SUGCT: variants seen among roughly 807,000 people sequenced by gnomAD.
The protein encoded by SUGCT is succinyl-CoA:glutarate-CoA transferase, also known as succinyl-CoA:glutarate CoA-transferase.
In SUGCT, 41 loss-of-function variants were observed where a neutral mutation model predicts 55.0. That is an observed-to-expected ratio of 0.74 (90% CI 0.58 to 0.97). The LOEUF (loss-of-function observed/expected upper bound fraction) is 0.97. Among genes scored for constraint, SUGCT ranks in the 50% least tolerant of loss-of-function variants. The pLI is 0.00. For synonymous variants in SUGCT, 187 were observed against 200.4 expected (o/e 0.93, Z 0.56); for missense variants, 568 against 547.8 (o/e 1.04, Z -0.37).
intron 11 of SUGCT, among the ~76,000 whole-genome samples, chr7:40,478,347 A>G (rs1192957703): frequency 1.3e-5 from 2 of 152,136 alleles, no homozygotes; most frequent in Non-Finnish European, 2.9e-5. Flanking sequence ...GCCAGGCACA[A>G]AAATAAGGCT....
chr7:40,788,156 T>C (rs1115714), intron 13 of SUGCT, among the ~76,000 whole-genome samples: 51,692 of 151,932 alleles, frequency 0.34, 8,969 homozygotes, highest in South Asian at 0.44. Flanking sequence ...GGAGTCATTC[T>C]CCCTGCAGCA....
In SUGCT at chr7:40,374,394, A is replaced by G. The variant is rs558966434; in HGVS notation, c.816+57539A>G. Among the ~76,000 whole-genome samples, 27 of 152,314 alleles carry G rather than the reference A, an allele frequency of 1.8e-4. 1 individual carries two copies. The South Asian group carries it at 3.9e-3, about 22-fold the overall frequency. ...ATTAATTCCCTTAAGTCACAAGTAA[A>G]TAAGTGGATTTAACCTGAGCGTTCA... On this transcript the variant is annotated intron_variant, in intron 9 of 13. Coordinates refer to ENST00000335693, the MANE Select transcript of SUGCT (RefSeq NM_001193313.2).
At chr7:40,208,724 T>C (rs1302806605) in intron 6 of SUGCT, among the ~76,000 whole-genome samples, 1 of 152,106 alleles carries the variant, frequency 6.6e-6, no homozygotes, top group Non-Finnish European at 1.5e-5. Flanking sequence ...TTTTTTATTT[T>C]AGTAGAGACG....
chr7:40,903,477 A>G, the SUGCT span, among the ~76,000 whole-genome samples: 1 of 152,332 alleles, frequency 6.6e-6, no homozygotes, highest in South Asian at 2.1e-4. Context: ...CTGTTGAGCC[A>G]GAAGTCCAAT....
intron 12 of SUGCT, among the ~76,000 whole-genome samples, chr7:40,660,415 T>C (rs1026620020): frequency 1.3e-5 from 2 of 152,124 alleles, no homozygotes; most frequent in African/African-American, 2.4e-5. Flanking sequence ...CCCACCACCA[T>C]GTCTGGCTAA....
At chr7:40,214,341 A>G (rs1438117152) in intron 6 of SUGCT, among the ~76,000 whole-genome samples, 1 of 152,218 alleles carries the variant, frequency 6.6e-6, no homozygotes, top group East Asian at 1.9e-4. Context: ...AATGTTAGTC[A>G]CTGTTCATCA....
At chr7:40,367,056 A>C (rs564695765) in intron 9 of SUGCT, among the ~76,000 whole-genome samples, 20 of 152,292 alleles carry the variant, frequency 1.3e-4, no homozygotes, top group East Asian at 5.8e-4. Context: ...AAAATGTGGC[A>C]CATATACACC....
At chr7:40,666,355 A>AAGGAAGGAAGGAAGGAAGGAAGG (rs1801630722) in intron 12 of SUGCT, among the ~76,000 whole-genome samples, 27 of 121,850 alleles carry the variant, frequency 2.2e-4, no homozygotes, top group African/African-American at 1.0e-3. Context: ...CTCAAGAAAG[A>AAGGAAGGAAGGAAGGAAGGAAGG]AAGGAAGGAA....
intron 9 of SUGCT, among the ~76,000 whole-genome samples, chr7:40,371,146 C>T (rs1273751438): frequency 1.3e-5 from 2 of 152,108 alleles, no homozygotes; most frequent in Non-Finnish European, 2.9e-5. Flanking sequence ...GACCAGTTCT[C>T]ATCTGTTTCT....
At chr7:40,150,865 C>T (rs1788529174) in intron 1 of SUGCT, among the ~76,000 whole-genome samples, 1 of 152,202 alleles carries the variant, frequency 6.6e-6, no homozygotes, top group South Asian at 2.1e-4. Flanking sequence ...TGGGCAGTTA[C>T]ATTCCTAGGC....
At chr7:40,875,120 C>A in the SUGCT span, among the ~76,000 whole-genome samples, 4 of 152,330 alleles carry the variant, frequency 2.6e-5, no homozygotes, top group South Asian at 8.3e-4. Context: ...CACATGTTTT[C>A]TTCTGAGATA....
intron 12 of SUGCT, among the ~76,000 whole-genome samples, chr7:40,497,196 T>C (rs1427391196): frequency 6.6e-6 from 1 of 152,168 alleles, no homozygotes; most frequent in African/African-American, 2.4e-5. Context: ...TTCAAAACCA[T>C]GGGGTATATT....
chr7:40,593,219 C>T (rs1797822122), intron 12 of SUGCT, among the ~76,000 whole-genome samples: 1 of 152,148 alleles, frequency 6.6e-6, no homozygotes, highest in Admixed American at 6.5e-5. Context: ...CTGTCCTTGG[C>T]CTAGAGCCCG....
At chr7:40,836,973 C>T (rs754636200) in intron 13 of SUGCT, among the ~76,000 whole-genome samples, 2 of 152,032 alleles carry the variant, frequency 1.3e-5, no homozygotes, top group South Asian at 2.1e-4. Context: ...GTTGCTATAT[C>T]GTATAGTCAA....
At chr7:40,942,966 A>T in the SUGCT span, among the ~76,000 whole-genome samples, 2 of 151,380 alleles carry the variant, frequency 1.3e-5, no homozygotes, top group Admixed American at 6.6e-5. Context: ...CATATCCTGA[A>T]TTTTTTTTAC....
rs191554128 is a variant in SUGCT at position 40,604,264 on chromosome 7, G to A, written c.1089+107878G>A. On this transcript the variant is annotated intron_variant, in intron 12 of 13. Coordinates refer to ENST00000335693, the MANE Select transcript of SUGCT (RefSeq NM_001193313.2). ...AACAGAGCAGACAAGCAATCTCCCT[G>A]CAAGGCCTATGATGGTCCCTTGCTT... is the stretch of plus-strand genomic sequence containing the variant. Among the ~76,000 whole-genome samples, 197 of 152,320 alleles carry A rather than the reference G, an allele frequency of 1.3e-3. 1 individual carries two copies. Among genetic ancestry groups the A allele is most frequent in the African/African-American group, 4.5e-3 (189 of 41,570 alleles).
At chr7:40,139,176 A>T (rs141702118) in intron 1 of SUGCT, among the ~76,000 whole-genome samples, 1 of 132,982 alleles carries the variant, frequency 7.5e-6, no homozygotes, top group South Asian at 2.5e-4. Context: ...ATAAATAAAT[A>T]AATCCAGGAT....
intron 9 of SUGCT, among the ~76,000 whole-genome samples, chr7:40,444,217 G>T (rs1030516403): frequency 3.9e-5 from 6 of 152,086 alleles, no homozygotes; most frequent in African/African-American, 1.4e-4. Flanking sequence ...CTCTTTTTTG[G>T]TTCCATATGA....
chr7:41,001,306 G>T, the SUGCT span, among the ~76,000 whole-genome samples: 1 of 152,112 alleles, frequency 6.6e-6, no homozygotes. Flanking sequence ...ACACAAAGAT[G>T]TATAACATCC....
Sources: gnomAD v4.1 joint callset for allele counts (sites outside exome capture counted in the v4.1 genomes callset) on GRCh38, gnomAD v4.1.1 for gene constraint, MANE v1.5 for transcripts, NCBI Gene and HGNC (gene_info 2026-07-23, HGNC 2026-07-21) for gene names.